The following ARHGAP42 variants were observed in gnomAD, a reference collection of about 807,000 sequenced individuals.
ARHGAP42 encodes Rho GTPase activating protein 42.
A neutral mutation model predicts 125.0 loss-of-function variants in ARHGAP42; 63 were observed. The ratio of observed to expected loss-of-function variants is 0.50; its 90% CI spans 0.41 to 0.62. The LOEUF is 0.62. Ranked by LOEUF, ARHGAP42 falls within the 20% of genes least tolerant of loss-of-function variation. The probability of loss-of-function intolerance (pLI) is 0.00; values close to 1 mark genes in which losing one functional copy is unlikely to be tolerated. For synonymous variants in ARHGAP42, 339 were observed against 351.0 expected, an observed-to-expected ratio of 0.97 and a Z score of 0.38; for missense variants, 766 against 1,024.2, an observed-to-expected ratio of 0.75 and a Z score of 3.44.
intron 17 of ARHGAP42, among the ~76,000 whole-genome samples, chr11:100,970,590 A>AC: frequency 6.6e-6 from 1 of 152,232 alleles, no homozygotes; most frequent in East Asian, 1.9e-4. Context: ...ACTTAAAAAA[A>AC]AAACAAACAG....
intron 3 of ARHGAP42, among the ~76,000 whole-genome samples, chr11:100,822,832 G>A (rs1249127650): frequency 6.6e-6 from 1 of 152,074 alleles, no homozygotes; most frequent in Non-Finnish European, 1.5e-5. Context: ...ATAATTTAGT[G>A]GCAACAGGAA....
In ARHGAP42 at chr11:100,993,758, A is replaced by G. The variant is rs1591348569; in HGVS notation, c.*4957A>G. On this transcript the variant is annotated 3_prime_UTR_variant, in exon 24 of 24. Transcript: ENST00000298815. ...GTGATTGTCCATAAATTATCATTGA[A>G]TTTTTTGTTTATTTTGTAGTGTTCT... 1 of 167,046 alleles carries G rather than the reference A, an allele frequency of 6.0e-6. No homozygotes were observed. The highest frequency in any genetic ancestry group is 1.5e-5 in the Non-Finnish European group (1 of 68,104). The allele number at this position is 167,046 out of a possible 1,614,324, so 10.3% of individuals were successfully genotyped here.
At chr11:100,865,787 T>G (rs1016393533) in intron 4 of ARHGAP42, among the ~76,000 whole-genome samples, 7 of 152,192 alleles carry the variant, frequency 4.6e-5, no homozygotes, top group Admixed American at 3.9e-4. Flanking sequence ...GGCTAACAAT[T>G]ATCTGAGCCT....
intron 12 of ARHGAP42, among the ~76,000 whole-genome samples, chr11:100,956,193 A>G (rs1238426991): frequency 6.6e-6 from 1 of 152,028 alleles, no homozygotes; most frequent in African/African-American, 2.4e-5. Flanking sequence ...ATCATATTCC[A>G]GTTAAGGGAG....
At chr11:100,903,905 C>T (rs1866645871) in intron 4 of ARHGAP42, among the ~76,000 whole-genome samples, 1 of 151,596 alleles carries the variant, frequency 6.6e-6, no homozygotes, top group Admixed American at 6.6e-5. Context: ...AAGCATCCAG[C>T]ATGGGAGAAA....
chr11:100,776,119 A>T (rs558943905), intron 2 of ARHGAP42, among the ~76,000 whole-genome samples: 64 of 151,464 alleles, frequency 4.2e-4, no homozygotes, highest in African/African-American at 1.5e-3. Flanking sequence ...AGATCGTGCC[A>T]TTGCACTCCA....
At chr11:100,865,579 T>G (rs971071427) in intron 4 of ARHGAP42, among the ~76,000 whole-genome samples, 2 of 152,202 alleles carry the variant, frequency 1.3e-5, no homozygotes, top group Non-Finnish European at 2.9e-5. Context: ...GTAGCTTCCT[T>G]GGAGATAGAT....
At chr11:100,763,581 G>A (rs774175774) in intron 1 of ARHGAP42, among the ~76,000 whole-genome samples, 6 of 151,890 alleles carry the variant, frequency 4.0e-5, no homozygotes, top group South Asian at 2.1e-4. Flanking sequence ...TCCGCCCCCC[G>A]GGTTCAAGCA....
intron 17 of ARHGAP42, among the ~76,000 whole-genome samples, chr11:100,967,173 G>C (rs142773674): frequency 3.4e-4 from 51 of 152,212 alleles, no homozygotes; most frequent in African/African-American, 1.2e-3. Flanking sequence ...AAAAAATTAG[G>C]ACAGTCTACC....
intron 2 of ARHGAP42, among the ~76,000 whole-genome samples, chr11:100,785,737 C>T (rs902307213): frequency 6.6e-6 from 1 of 152,070 alleles, no homozygotes; most frequent in Non-Finnish European, 1.5e-5. Flanking sequence ...CTGATTATTC[C>T]CCTTCAGTCA....
At chr11:100,849,856 A>G (rs1187415367) in intron 3 of ARHGAP42, among the ~76,000 whole-genome samples, 1 of 152,198 alleles carries the variant, frequency 6.6e-6, no homozygotes, top group East Asian at 1.9e-4. Context: ...TGACATAAAC[A>G]TCCCAAGTAA....
At chr11:100,854,415 C>T (rs1201817000) in intron 3 of ARHGAP42, among the ~76,000 whole-genome samples, 1 of 152,144 alleles carries the variant, frequency 6.6e-6, no homozygotes, top group Non-Finnish European at 1.5e-5. Flanking sequence ...CATTCAAATG[C>T]TGAAGCAGCA....
At chr11:100,896,609 A>T (rs1866372562) in intron 4 of ARHGAP42, among the ~76,000 whole-genome samples, 1 of 152,072 alleles carries the variant, frequency 6.6e-6, no homozygotes, top group African/African-American at 2.4e-5. Context: ...GCATTTTTTC[A>T]TGTGTCTGTT....
At chr11:100,848,763 C>A (rs1425962897) in intron 3 of ARHGAP42, among the ~76,000 whole-genome samples, 1 of 152,068 alleles carries the variant, frequency 6.6e-6, no homozygotes, top group Non-Finnish European at 1.5e-5. Context: ...ACCTTGGCCT[C>A]CCAAAATGTA....
At chr11:100,698,640 C>A (rs1185279868) in intron 1 of ARHGAP42, among the ~76,000 whole-genome samples, 1 of 152,052 alleles carries the variant, frequency 6.6e-6, no homozygotes, top group African/African-American at 2.4e-5. Context: ...CAGATCGTGC[C>A]ATTGTACTCT....
intron 3 of ARHGAP42, among the ~76,000 whole-genome samples, chr11:100,850,408 T>C (rs181209984): frequency 2.6e-5 from 4 of 152,296 alleles, no homozygotes; most frequent in African/African-American, 7.2e-5. Context: ...AAAGGTAATG[T>C]GTTGTACTGC....
At chr11:100,714,892 A>G (rs1162812991) in intron 1 of ARHGAP42, among the ~76,000 whole-genome samples, 10 of 151,930 alleles carry the variant, frequency 6.6e-5, no homozygotes. Flanking sequence ...CAAAAACAAT[A>G]CAAAAATTAG....
At chr11:100,900,449 GC>G (rs1866512133) in intron 4 of ARHGAP42, among the ~76,000 whole-genome samples, 1 of 152,130 alleles carries the variant, frequency 6.6e-6, no homozygotes, top group Admixed American at 6.5e-5. Flanking sequence ...TTTGAATGTG[GC>G]CCTGCCTTGC....
At chr11:100,837,540 T>G (rs1424942764) in intron 3 of ARHGAP42, among the ~76,000 whole-genome samples, 1 of 152,042 alleles carries the variant, frequency 6.6e-6, no homozygotes, top group African/African-American at 2.4e-5. Flanking sequence ...AAGAATGGGC[T>G]GCCTGCAAGG....
Sources: allele counts gnomAD v4.1 joint callset (sites outside exome capture counted in the v4.1 genomes callset), GRCh38; gene constraint gnomAD v4.1.1; transcripts MANE v1.5; gene names NCBI Gene and HGNC (gene_info 2026-07-23, HGNC 2026-07-21).